The following ABTB3 variants were observed in gnomAD, a reference collection of about 807,000 sequenced individuals.
ABTB3 encodes ankyrin repeat and BTB domain containing 3, also known as ankyrin repeat- and BTB/POZ domain-containing protein 3.
At chr12:107,599,162 G>T in the ABTB3 span, among the ~76,000 whole-genome samples, 2 of 152,192 alleles carry the variant, frequency 1.3e-5, no homozygotes, top group Non-Finnish European at 2.9e-5. Flanking sequence ...TCAGATGGCT[G>T]CCTAGGTCCA....
chr12:107,596,367 A>C, the ABTB3 span, among the ~76,000 whole-genome samples: 1 of 152,164 alleles, frequency 6.6e-6, no homozygotes, highest in Non-Finnish European at 1.5e-5. Flanking sequence ...TAATCCCAGC[A>C]CTTTGGAGGT....
At chr12:107,337,102 A>G in the ABTB3 span, among the ~76,000 whole-genome samples, 3 of 152,260 alleles carry the variant, frequency 2.0e-5, no homozygotes, top group African/African-American at 7.2e-5. Context: ...TCTAATCCAA[A>G]GTTGAAAGCT....
At chr12:107,489,794 G>C in the ABTB3 span, among the ~76,000 whole-genome samples, 1 of 151,938 alleles carries the variant, frequency 6.6e-6, no homozygotes, top group East Asian at 1.9e-4. Flanking sequence ...ACAGGGTCTT[G>C]CTCTGTCAGT....
the ABTB3 span, among the ~76,000 whole-genome samples, chr12:107,633,968 G>T: frequency 6.6e-6 from 1 of 152,200 alleles, no homozygotes; most frequent in Non-Finnish European, 1.5e-5. Flanking sequence ...AAGCCGATAG[G>T]CAGGCAGTTA....
chr12:107,377,521 G>A, the ABTB3 span, among the ~76,000 whole-genome samples: 2 of 151,678 alleles, frequency 1.3e-5, no homozygotes, highest in Non-Finnish European at 2.9e-5. Context: ...CTTGCCTCAG[G>A]GACATCTCCC....
At chr12:107,398,871 G>A in the ABTB3 span, among the ~76,000 whole-genome samples, 9 of 152,324 alleles carry the variant, frequency 5.9e-5, no homozygotes, top group East Asian at 1.7e-3. Context: ...CAGTAAACCA[G>A]TAAGAGTGCT....
At chr12:107,618,155 C>T in the ABTB3 span, 1 of 1,613,432 alleles carries the variant, frequency 6.2e-7, no homozygotes, top group Non-Finnish European at 8.5e-7. Flanking sequence ...TTATGATTGA[C>T]AGGAATGTGT....
the ABTB3 span, among the ~76,000 whole-genome samples, chr12:107,602,749 C>T: frequency 1.8e-4 from 28 of 152,326 alleles, no homozygotes; most frequent in African/African-American, 6.7e-4. Flanking sequence ...GCATTTGGCA[C>T]TCACAAAGCA....
At chr12:107,370,757 ATTTTTTTTTT>A in the ABTB3 span, among the ~76,000 whole-genome samples, 2 of 87,464 alleles carry the variant, frequency 2.3e-5, no homozygotes, top group Non-Finnish European at 4.3e-5. Context: ...CAAAAAAGGG[ATTTTTTTTTT>A]TTTTTTTTTT....
At chr12:107,489,207 A>G in the ABTB3 span, among the ~76,000 whole-genome samples, 2 of 152,190 alleles carry the variant, frequency 1.3e-5, no homozygotes, top group South Asian at 4.1e-4. Flanking sequence ...ATATAGCAAT[A>G]TATGTCAAAG....
chr12:107,484,594 T>C, the ABTB3 span, among the ~76,000 whole-genome samples: 1 of 130,928 alleles, frequency 7.6e-6, no homozygotes, highest in Non-Finnish European at 1.5e-5. Context: ...GGATCTGATC[T>C]GACTTTTTTT....
At chr12:107,523,939 G>A in the ABTB3 span, among the ~76,000 whole-genome samples, 1 of 152,160 alleles carries the variant, frequency 6.6e-6, no homozygotes, top group Non-Finnish European at 1.5e-5. Context: ...AGGTCTCAAA[G>A]CTTTGTCCTG....
the ABTB3 span, among the ~76,000 whole-genome samples, chr12:107,647,426 G>C: frequency 6.6e-6 from 1 of 152,194 alleles, no homozygotes; most frequent in Non-Finnish European, 1.5e-5. Context: ...GATTGCTTGA[G>C]ACCAGAAGTT....
chr12:107,551,995 G>A, the ABTB3 span, among the ~76,000 whole-genome samples: 1 of 152,270 alleles, frequency 6.6e-6, no homozygotes, highest in South Asian at 2.1e-4. Flanking sequence ...CGGGTGATCC[G>A]CCTTCCTCGT....
the ABTB3 span, among the ~76,000 whole-genome samples, chr12:107,613,243 C>G: frequency 6.6e-6 from 1 of 152,168 alleles, no homozygotes; most frequent in Admixed American, 6.5e-5. Context: ...AGCCATCAGC[C>G]CTCTCTTTCC....
At chr12:107,362,861 A>G in the ABTB3 span, among the ~76,000 whole-genome samples, 1 of 151,766 alleles carries the variant, frequency 6.6e-6, no homozygotes, top group East Asian at 1.9e-4. Flanking sequence ...TTTTCTTTTG[A>G]TTCTTCTAAC....
chr12:107,384,028 T>A, the ABTB3 span, among the ~76,000 whole-genome samples: 1 of 152,102 alleles, frequency 6.6e-6, no homozygotes, highest in African/African-American at 2.4e-5. Flanking sequence ...CCGGCCCAGG[T>A]GTGCTGAGCA....
the ABTB3 span, among the ~76,000 whole-genome samples, chr12:107,352,174 T>G: frequency 2.6e-5 from 4 of 152,104 alleles, no homozygotes; most frequent in Non-Finnish European, 5.9e-5. Flanking sequence ...AGGAGGCAGG[T>G]GCAGGGTGCT....
At chr12:107,533,137 A>G in the ABTB3 span, among the ~76,000 whole-genome samples, 2 of 152,242 alleles carry the variant, frequency 1.3e-5, no homozygotes, top group African/African-American at 2.4e-5. Flanking sequence ...GAGATGAATC[A>G]AACATTATTA....
Sources: gnomAD v4.1 joint callset for allele counts (sites outside exome capture counted in the v4.1 genomes callset) on GRCh38, gnomAD v4.1.1 for gene constraint, MANE v1.5 for transcripts, NCBI Gene and HGNC (gene_info 2026-07-23, HGNC 2026-07-21) for gene names.